ADCY7: variants seen among roughly 807,000 people sequenced by gnomAD.
ADCY7 encodes the protein adenylate cyclase 7, also known as adenylate cyclase type 7.
A neutral mutation model predicts 120.6 loss-of-function variants in ADCY7; 72 were observed. The ratio of observed to expected loss-of-function variants is 0.60; its 90% CI spans 0.49 to 0.73. The LOEUF (loss-of-function observed/expected upper bound fraction) is 0.73. ADCY7 is among the 30% of genes least tolerant of loss of function. The probability of loss-of-function intolerance (pLI) is 0.00; values close to 1 mark genes in which losing one functional copy is unlikely to be tolerated. For synonymous variants in ADCY7, 661 were observed against 628.0 expected (o/e 1.05, Z -0.78); for missense variants, 1,227 against 1,486.0 (o/e 0.83, Z 2.87).
chr16:50,246,536 G>A (rs1203598024), intron 1 of ADCY7, among the ~76,000 whole-genome samples: 1 of 152,212 alleles, frequency 6.6e-6, no homozygotes, highest in Non-Finnish European at 1.5e-5. Flanking sequence ...GACCCCTGTG[G>A]TGGAGCCCGA....
Position 50,293,390 on chromosome 16 carries a change from T to C in ADCY7, c.724T>C (p.Ser242Pro). 6.2e-7 allele frequency: 1 copy of C among 1,613,798 alleles called. No individual in the cohort carries two copies. Among genetic ancestry groups the C allele is most frequent in the Non-Finnish European group, 8.5e-7 (1 of 1,179,898 alleles). The change falls in exon 6 of 26, where the codon TCC (serine) becomes CCC (proline). Residue 242 changes from serine (S) to proline (P), a missense_variant. By Grantham distance (74) the Ser-to-Pro change is moderately conservative. Around this residue, in one of 5 missense-constraint regions of ADCY7, gnomAD observed 382 missense variants for 411.4 expected, o/e 0.93. Transcript: ENST00000673801. ...GCTGTCAGTGCTTCCGGCCCACATCTCCATGGGCATGAAGCTGGCCATCAT... is the reference window on the plus strand; with the variant it reads ...GCTGTCAGTGCTTCCGGCCCACATCCCCATGGGCATGAAGCTGGCCATCAT... ...LLLSVLPAHI[S>P]MGMKLAIIER...
At chr16:50,285,167 C>G (rs1457220349) in intron 1 of ADCY7, among the ~76,000 whole-genome samples, 1 of 152,214 alleles carries the variant, frequency 6.6e-6, no homozygotes, top group Admixed American at 6.5e-5. Flanking sequence ...CATCATTTCA[C>G]GTAGAAATCA....
At chr16:50,252,119 C>T (rs1174443164) in intron 1 of ADCY7, among the ~76,000 whole-genome samples, 2 of 152,094 alleles carry the variant, frequency 1.3e-5, no homozygotes, top group East Asian at 1.9e-4. Flanking sequence ...GCAGGAGGAG[C>T]CCCCGGGCTG....
Position 50,309,610 on chromosome 16 carries a change from G to C in ADCY7, c.2124G>C (p.Ala708=), listed in dbSNP as rs769272101. 1.2e-6 allele frequency: 2 copies of C among 1,612,588 alleles called. No individual in the cohort carries two copies. The highest frequency in any genetic ancestry group is 1.3e-5 in the African/African-American group (1 of 74,946). ...PVGNETGLLA[A]SSKTRALCEP... ...GCAATGAGACAGGCCTACTGGCCGC[G>C]AGCAGCAAGACAAGAGCCCTGTGTG... The change falls in exon 18 of 26, where the codon GCG becomes GCC. Residue 708 remains alanine (A), a synonymous_variant. Coordinates refer to ENST00000673801, the MANE Select transcript of ADCY7 (RefSeq NM_001114.5).
Position 50,307,130 on chromosome 16 carries a change from T to C in ADCY7, c.1833T>C (p.His611=), listed in dbSNP as rs1405882631. ...SLIFVCILLV[H]VLLMPRTAAL... is the part of the protein sequence containing the mutation. ...TCTTCGTCTGCATCCTGCTCGTCCA[T>C]GTCCTGCTCATGCCCAGGTCAGTTG... The change falls in exon 15 of 26, where the codon CAT becomes CAC. Residue 611 remains histidine (H), a synonymous_variant. Transcript: ENST00000673801. The C allele has an allele frequency of 4.3e-6, 7 of 1,611,912 alleles. No homozygotes were observed. The highest frequency in any genetic ancestry group is 5.9e-6 in the Non-Finnish European group (7 of 1,179,970).
At chr16:50,262,516 G>A (rs1282481860), upstream of ADCY7, among the ~76,000 whole-genome samples, 3 of 151,998 alleles carry the variant, frequency 2.0e-5, no homozygotes, top group East Asian at 3.9e-4. Flanking sequence ...TATTAGAGAC[G>A]GGGTTTCACC....
rs1214144331 is a variant in ADCY7, at chr16:50,304,387, C to T, written c.1396C>T (p.His466Tyr). 1.9e-6 allele frequency: 3 copies of T among 1,557,934 alleles called. No homozygotes were observed. The highest frequency in any genetic ancestry group is 2.6e-6 in the Non-Finnish European group (3 of 1,149,996). The change falls in exon 11 of 26, where the codon CAC becomes TAC. Residue 466 changes from histidine (H) to tyrosine (Y), a missense_variant. Coordinates refer to ENST00000673801, the MANE Select transcript of ADCY7 (RefSeq NM_001114.5). ...RSQQPPPPSQ[H>Y]LPRPKGDAAL... ...CCAGCAGCCACCCCCGCCCAGCCAA[C>T]ACCTCCCCAGGCCCAAGGGGGACGC...
Position 50,314,017 on chromosome 16 carries a change from C to A in ADCY7, c.2811C>A (p.Tyr937Ter). ...VEKIKTIGST[Y>*]MAAAGLSVAS... ...AGATCAAGACCATCGGCAGCACGTACATGGCAGCTGCAGGGCTCAGCGTCG... is the reference window on the plus strand; with the variant it reads ...AGATCAAGACCATCGGCAGCACGTAAATGGCAGCTGCAGGGCTCAGCGTCG... The change falls in exon 23 of 26, where the codon TAC becomes TAA. Residue 937 changes from tyrosine (Y) to a stop codon, truncating the protein, a stop_gained. Coordinates refer to ENST00000673801, the MANE Select transcript of ADCY7 (RefSeq NM_001114.5). LOFTEE classifies it high-confidence loss of function. 6.2e-7 allele frequency: 1 copy of A among 1,614,228 alleles called. No individual in the cohort carries two copies. Among genetic ancestry groups the A allele is most frequent in the African/African-American group, 1.3e-5 (1 of 75,072 alleles).
chr16:50,297,066 A>G lies in ADCY7; in HGVS notation c.949-1838A>G, dbSNP rs1376874387. On this transcript the variant is annotated intron_variant, in intron 7 of 25. Transcript: ENST00000673801. The surrounding 1 kb of genome is among the most constrained non-coding windows in gnomAD (Gnocchi z 4.4). ...CACAGAGGGTCCCTTGCCCTTGGAC[A>G]CAGTCTTCCCTCTCCAGCAGGCCCA... 6.6e-6 allele frequency among the ~76,000 whole-genome samples: 1 copy of G among 152,186 alleles called. No homozygotes were observed. The highest frequency in any genetic ancestry group is 1.5e-5 in the Non-Finnish European group (1 of 68,018).
chr16:50,248,318 G>A (rs1363675586), intron 1 of ADCY7, among the ~76,000 whole-genome samples: 1 of 152,184 alleles, frequency 6.6e-6, no homozygotes, highest in African/African-American at 2.4e-5. Flanking sequence ...CCTTCTTGAT[G>A]GGCACAAAGG....
intron 4 of ADCY7, 68 bp downstream of exon 4, chr16:50,291,965 C>T (rs2035009338): frequency 1.3e-6 from 2 of 1,509,948 alleles, no homozygotes; most frequent in Non-Finnish European, 1.8e-6. Flanking sequence ...TGGGGGGGCC[C>T]CCTCTGGGTG....
chr16:50,273,798 C>T (rs1421991030), intron 1 of ADCY7, among the ~76,000 whole-genome samples: 3 of 152,140 alleles, frequency 2.0e-5, no homozygotes, highest in Non-Finnish European at 4.4e-5. Flanking sequence ...CTGGCTGTAC[C>T]CCCCAGTCTG....
intron 1 of ADCY7, among the ~76,000 whole-genome samples, chr16:50,286,858 A>G (rs964200531): frequency 6.6e-6 from 1 of 152,216 alleles, no homozygotes; most frequent in Non-Finnish European, 1.5e-5. Context: ...ACCTCACACC[A>G]TACCCAGAGT....
In ADCY7 at chr16:50,315,684, C is replaced by A; in HGVS notation, c.*179C>A. The stretch of plus-strand genomic sequence containing the variant: ...ACATGCACCAGATTCTGGCTCGAAG[C>A]AGCCACTGAGCCATAATGCGCAGGG... On this transcript the variant is annotated 3_prime_UTR_variant, in exon 26 of 26. Coordinates refer to ENST00000673801, the MANE Select transcript of ADCY7 (RefSeq NM_001114.5). 1 of 759,848 alleles carries A rather than the reference C, an allele frequency of 1.3e-6. No homozygotes were observed. Among genetic ancestry groups the A allele is most frequent in the Non-Finnish European group, 2.0e-6 (1 of 489,744 alleles). 47.1% of individuals were successfully genotyped at this position (759,848 alleles called of 1,614,324 possible). A position where few individuals can be genotyped will look rare whatever the true frequency, so the allele number is the denominator to read the frequency against.
chr16:50,286,333 G>T (rs1435464527), intron 1 of ADCY7, among the ~76,000 whole-genome samples: 1 of 148,912 alleles, frequency 6.7e-6, no homozygotes, highest in Non-Finnish European at 1.5e-5. Flanking sequence ...GGAGTCTGAG[G>T]TGGGAGGATT....
In ADCY7 at chr16:50,316,071, CTG is replaced by C. The variant is rs1487441851; in HGVS notation, c.*568_*569del. On this transcript the variant is annotated 3_prime_UTR_variant, in exon 26 of 26. Transcript: ENST00000673801. ...AGAGAGAAAAACACCACAATTAACA[CTG>C]TTACTTTTTGCCTTGTCTGGCATGT... The C allele has an allele frequency of 1.3e-5, 2 of 152,848 alleles. No individual in the cohort carries two copies. Among genetic ancestry groups the C allele is most frequent in the African/African-American group, 4.8e-5 (2 of 41,452 alleles). 9.5% of individuals were successfully genotyped at this position (152,848 alleles called of 1,614,324 possible).
chr16:50,295,725 G>T (rs539902838), intron 7 of ADCY7, among the ~76,000 whole-genome samples: 1 of 152,116 alleles, frequency 6.6e-6, no homozygotes, highest in Non-Finnish European at 1.5e-5. Context: ...CTCGACACGT[G>T]CCAGGCAGGG....
At position 50,299,798 on chromosome 16, in the gene ADCY7, GA is replaced by G. The variant is rs552528429; in HGVS notation, c.1076+768del. On this transcript the variant is annotated intron_variant, in intron 8 of 25. Coordinates refer to ENST00000673801, the MANE Select transcript of ADCY7 (RefSeq NM_001114.5). ...CAGGCCCTCGTGCACCTCTGGTTCCGACCCTGGAAGGCTTGGTCAGTGCCCA... is the reference window on the plus strand; with the variant it reads ...CAGGCCCTCGTGCACCTCTGGTTCCGCCCTGGAAGGCTTGGTCAGTGCCCA... Among the ~76,000 whole-genome samples, 40 of 152,290 alleles carry G rather than the reference GA, an allele frequency of 2.6e-4. 1 individual carries two copies. The East Asian group carries it at 7.5e-3, about 29-fold the overall frequency.
At position 50,315,594 on chromosome 16, in the gene ADCY7, C is replaced by T. The variant is rs2036765959; in HGVS notation, c.*89C>T. On this transcript the variant is annotated 3_prime_UTR_variant, in exon 26 of 26. Coordinates refer to ENST00000673801, the MANE Select transcript of ADCY7 (RefSeq NM_001114.5). ...GAAGACTCTCCGCCCCACGCCAATC[C>T]CAAAGGCATGCAGATGGCTGTGCAT... 1.3e-5 allele frequency: 20 copies of T among 1,511,982 alleles called. No homozygotes were observed. The Admixed American group carries it at 2.8e-4, about 21-fold the overall frequency. The allele number at this position is 1,511,982 out of a possible 1,614,324, so 93.7% of individuals were successfully genotyped here. A position where few individuals can be genotyped will look rare whatever the true frequency, so the allele number is the denominator to read the frequency against.
Sources: gnomAD v4.1 joint callset for allele counts (sites outside exome capture counted in the v4.1 genomes callset) on GRCh38, gnomAD v4.1.1 for gene constraint, gnomAD v4.1.1 regional missense constraint, Gnocchi (gnomAD v3.1) non-coding constraint, MANE v1.5 for transcripts, NCBI Gene and HGNC (gene_info 2026-07-23, HGNC 2026-07-21) for gene names.